The following MAST4 variants were observed in gnomAD, a reference collection of about 807,000 sequenced individuals.
The protein encoded by MAST4 is microtubule associated serine/threonine kinase family member 4, also known as microtubule-associated serine/threonine-protein kinase 4.
Under a neutral mutation model 162.7 loss-of-function variants are expected in MAST4, and 89 were observed. The ratio of observed to expected loss-of-function variants is 0.55; its 90% CI spans 0.46 to 0.65. MAST4 has a LOEUF of 0.65. MAST4 is among the 30% of genes least tolerant of loss of function. The pLI, the probability that MAST4 is intolerant of heterozygous loss-of-function variation, is 0.00. For synonymous variants in MAST4, 1,479 were observed against 1,361.1 expected, an observed-to-expected ratio of 1.09 and a Z score of -1.91; for missense variants, 3,153 against 3,374.0, an observed-to-expected ratio of 0.93 and a Z score of 1.62.
chr5:66,674,757 G>C (rs1747839554), intron 1 of MAST4, among the ~76,000 whole-genome samples: 1 of 152,188 alleles, frequency 6.6e-6, no homozygotes, highest in Admixed American at 6.5e-5. Flanking sequence ...GGTGGATTCT[G>C]CTGTGTTGCT....
intron 1 of MAST4, among the ~76,000 whole-genome samples, chr5:66,751,479 G>T (rs1051747131): frequency 6.6e-6 from 1 of 150,960 alleles, no homozygotes; most frequent in Non-Finnish European, 1.5e-5. Flanking sequence ...ACCAAGGCTC[G>T]AGAACTATGT....
At chr5:67,063,829 A>G (rs757964132) in intron 5 of MAST4, among the ~76,000 whole-genome samples, 5 of 152,196 alleles carry the variant, frequency 3.3e-5, no homozygotes, top group African/African-American at 4.8e-5. Context: ...GTTAGAATTG[A>G]CAGTCCTTAA....
intron 4 of MAST4, among the ~76,000 whole-genome samples, chr5:67,046,158 C>A (rs971606973): frequency 4.6e-5 from 7 of 152,044 alleles, no homozygotes; most frequent in African/African-American, 1.4e-4. Context: ...GCTCTACCAT[C>A]TAGGTTTGTG....
intron 4 of MAST4, among the ~76,000 whole-genome samples, chr5:66,923,294 A>G (rs1367877083): frequency 6.6e-6 from 1 of 152,174 alleles, no homozygotes; most frequent in African/African-American, 2.4e-5. Context: ...GGGTATTTAA[A>G]GGCTTCCATA....
intron 4 of MAST4, among the ~76,000 whole-genome samples, chr5:66,936,144 T>C (rs904734913): frequency 6.6e-6 from 1 of 152,230 alleles, no homozygotes; most frequent in Non-Finnish European, 1.5e-5. Flanking sequence ...CTTTGTGTTA[T>C]TCTGGTTTCA....
intron 1 of MAST4, among the ~76,000 whole-genome samples, chr5:66,691,085 C>T (rs778454162): frequency 2.0e-5 from 3 of 152,138 alleles, no homozygotes; most frequent in African/African-American, 4.8e-5. Context: ...CTTAGGTTAG[C>T]CACTTGCCTA....
chr5:66,933,236 C>T (rs1383095019), intron 4 of MAST4, among the ~76,000 whole-genome samples: 5 of 152,148 alleles, frequency 3.3e-5, no homozygotes, highest in East Asian at 3.8e-4. Flanking sequence ...TATATGGAAA[C>T]ATCTCTAGTA....
At chr5:67,016,144 G>A (rs1472231495) in intron 4 of MAST4, among the ~76,000 whole-genome samples, 2 of 152,028 alleles carry the variant, frequency 1.3e-5, no homozygotes, top group East Asian at 3.9e-4. Context: ...CATCAGCCGA[G>A]GAGGAGGGAG....
At chr5:66,701,029 A>G (rs1184337246) in intron 1 of MAST4, among the ~76,000 whole-genome samples, 2 of 151,466 alleles carry the variant, frequency 1.3e-5, no homozygotes, top group African/African-American at 4.9e-5. Flanking sequence ...TCCTAATAAT[A>G]AAGCACATTT....
intron 4 of MAST4, among the ~76,000 whole-genome samples, chr5:66,943,751 A>G (rs1743636304): frequency 6.6e-6 from 1 of 152,062 alleles, no homozygotes; most frequent in South Asian, 2.1e-4. Flanking sequence ...TCAGCGAAAA[A>G]AAGTGCTGCC....
intron 13 of MAST4, among the ~76,000 whole-genome samples, chr5:67,119,282 A>C (rs775151329): frequency 5.8e-4 from 88 of 152,212 alleles, no homozygotes; most frequent in Non-Finnish European, 1.0e-3. Flanking sequence ...TGCAGAAAGC[A>C]ATGGGCTGGG....
chr5:66,926,652 G>GTA (rs1306573258), intron 4 of MAST4, among the ~76,000 whole-genome samples: 2 of 151,306 alleles, frequency 1.3e-5, no homozygotes, highest in African/African-American at 4.9e-5. Flanking sequence ...ATGTGTATAT[G>GTA]TATATATATG....
At chr5:67,054,561 C>G in intron 5 of MAST4, 69 bp downstream of exon 5, 1 of 1,346,082 alleles carries the variant, frequency 7.4e-7, no homozygotes. Context: ...ATAATTAATG[C>G]ATTTTGATAT....
chr5:66,673,501 A>G (rs1747740125), intron 1 of MAST4, among the ~76,000 whole-genome samples: 1 of 150,164 alleles, frequency 6.7e-6, no homozygotes, highest in South Asian at 2.1e-4. Flanking sequence ...GAACTACAAT[A>G]CGCTAGTTTT....
intron 1 of MAST4, among the ~76,000 whole-genome samples, chr5:66,674,467 A>G (rs1413715019): frequency 6.6e-6 from 1 of 152,190 alleles, no homozygotes; most frequent in East Asian, 1.9e-4. Context: ...TTGTTTTTGT[A>G]TTCTTGTTAA....
At chr5:66,919,135 C>T (rs1459505944) in intron 4 of MAST4, among the ~76,000 whole-genome samples, 2 of 151,142 alleles carry the variant, frequency 1.3e-5, no homozygotes, top group Non-Finnish European at 2.9e-5. Context: ...CACACACACA[C>T]ACAAATTTGA....
intron 1 of MAST4, among the ~76,000 whole-genome samples, chr5:66,600,614 G>A (rs1435203368): frequency 1.3e-5 from 2 of 152,224 alleles, no homozygotes; most frequent in Non-Finnish European, 2.9e-5. Context: ...ACATTTGATT[G>A]AAGGGTACCT....
chr5:66,611,157 C>G (rs957075502), intron 1 of MAST4, among the ~76,000 whole-genome samples: 2 of 152,228 alleles, frequency 1.3e-5, no homozygotes, highest in Non-Finnish European at 2.9e-5. Context: ...CATGTTCTGT[C>G]TCCTGCTTAC....
At chr5:66,682,527 G>A (rs143811360) in intron 1 of MAST4, among the ~76,000 whole-genome samples, 4 of 152,262 alleles carry the variant, frequency 2.6e-5, no homozygotes, top group African/African-American at 4.8e-5. Flanking sequence ...TGTGCCTAGC[G>A]TTATAACTGG....
Sources: allele counts gnomAD v4.1 joint callset (sites outside exome capture counted in the v4.1 genomes callset), GRCh38; gene constraint gnomAD v4.1.1; transcripts MANE v1.5; gene names NCBI Gene and HGNC (gene_info 2026-07-23, HGNC 2026-07-21).